The following NEK10 variants were observed in gnomAD, a reference collection of about 807,000 sequenced individuals.
NEK10 encodes the protein NIMA related kinase 10.
In NEK10, 122 loss-of-function variants were observed where a neutral mutation model predicts 159.8. The ratio of observed to expected loss-of-function variants is 0.76; its 90% confidence interval spans 0.66 to 0.89. The LOEUF is 0.89. Ranked by LOEUF, NEK10 falls within the 40% of genes least tolerant of loss-of-function variation. The probability of loss-of-function intolerance (pLI) is 0.00; values close to 1 mark genes in which losing one functional copy is unlikely to be tolerated. For synonymous variants in NEK10, 466 were observed against 457.1 expected, an observed-to-expected ratio of 1.02 and a Z score of -0.25; for missense variants, 1,342 against 1,323.1, an observed-to-expected ratio of 1.01 and a Z score of -0.22.
At chr3:27,316,802 AAAG>A (rs1269180466) in intron 6 of NEK10, among the ~76,000 whole-genome samples, 4 of 152,026 alleles carry the variant, frequency 2.6e-5, no homozygotes, top group African/African-American at 9.7e-5. Flanking sequence ...AAAAAAAAGA[AAAG>A]AGAGAGAGAC....
At position 27,111,324 on chromosome 3, in the gene NEK10, T is replaced by C. The variant is rs1939496934; in HGVS notation, c.3300-4A>G. The C allele has an allele frequency of 6.3e-7, 1 of 1,585,186 alleles. No individual in the cohort carries two copies. The highest frequency in any genetic ancestry group is 1.4e-5 in the African/African-American group (1 of 73,404). ...CCCCCATGGATAGGAATGATACCTA[T>C]AAGATTCAGAAGTGGAAAGAATTCT... is the stretch of plus-strand genomic sequence containing the variant. On this transcript the variant is annotated splice_polypyrimidine_tract_variant and splice_region_variant and intron_variant, in intron 35 of 35. Coordinates refer to ENST00000691995, the MANE Select transcript of NEK10 (RefSeq NM_001394966.1).
chr3:27,227,126 G>T (rs1290837478), intron 23 of NEK10, among the ~76,000 whole-genome samples: 1 of 152,032 alleles, frequency 6.6e-6, no homozygotes, highest in Non-Finnish European at 1.5e-5. Context: ...TCTTTTTCAT[G>T]GATTATTTTT....
chr3:27,193,046 C>T (rs1949248588), intron 25 of NEK10, among the ~76,000 whole-genome samples: 1 of 152,196 alleles, frequency 6.6e-6, no homozygotes, highest in Admixed American at 6.5e-5. Context: ...ATTATAGTAC[C>T]TACCTCATTA....
intron 19 of NEK10, 51 bp downstream of exon 19, chr3:27,290,566 C>A: frequency 2.9e-6 from 4 of 1,362,036 alleles, no homozygotes; most frequent in East Asian, 2.3e-5. Context: ...TACTTTCTTG[C>A]AATGACATGT....
intron 1 of NEK10, among the ~76,000 whole-genome samples, chr3:27,364,523 C>A (rs192610313): frequency 6.6e-6 from 1 of 151,986 alleles, no homozygotes; most frequent in Admixed American, 6.6e-5. Flanking sequence ...CCACAGCACC[C>A]GGCCATGTAT....
At chr3:27,187,757 T>A (rs1948752725) in intron 26 of NEK10, among the ~76,000 whole-genome samples, 1 of 121,064 alleles carries the variant, frequency 8.3e-6, no homozygotes, top group Non-Finnish European at 1.6e-5. Flanking sequence ...TGAGACTCCA[T>A]CTCAAAAAAA....
rs778769094 is a variant in NEK10 at position 27,191,996 on chromosome 3, G to A, written c.2505+33C>T. ...ACAACTTCAGACAGCCCATTAGAGT[G>A]CATCATGAACCGATTGAAATATTTG... is the stretch of plus-strand genomic sequence containing the variant. On this transcript the variant is annotated intron_variant, in intron 26 of 35. Coordinates refer to ENST00000691995, the MANE Select transcript of NEK10 (RefSeq NM_001394966.1). The A allele has an allele frequency of 8.9e-6, 14 of 1,576,412 alleles. No individual in the cohort carries two copies. In the East Asian group the frequency reaches 2.9e-4, roughly 33 times the overall value.
intron 28 of NEK10, among the ~76,000 whole-genome samples, chr3:27,173,133 T>C (rs1947171420): frequency 6.6e-6 from 1 of 152,242 alleles, no homozygotes; most frequent in Non-Finnish European, 1.5e-5. Context: ...TGTTATTTAT[T>C]TGTCAGGTTT....
intron 20 of NEK10, among the ~76,000 whole-genome samples, chr3:27,285,532 A>C (rs1047047956): frequency 1.6e-4 from 24 of 147,234 alleles, no homozygotes; most frequent in Middle Eastern, 3.5e-3. Context: ...AAAAAAAAAA[A>C]CAAACAAACA....
At chr3:27,266,593 C>A (rs1029285922) in intron 22 of NEK10, among the ~76,000 whole-genome samples, 2 of 152,212 alleles carry the variant, frequency 1.3e-5, no homozygotes, top group African/African-American at 4.8e-5. Flanking sequence ...CAGTAAGTGG[C>A]ACCATCATTG....
chr3:27,187,289 G>A (rs1187463854), intron 26 of NEK10, among the ~76,000 whole-genome samples: 1 of 152,096 alleles, frequency 6.6e-6, no homozygotes, highest in African/African-American at 2.4e-5. Flanking sequence ...TTCGGAAGAG[G>A]ACACGGAGAA....
At chr3:27,111,713 T>C (rs1007865322) in intron 35 of NEK10, among the ~76,000 whole-genome samples, 5 of 152,184 alleles carry the variant, frequency 3.3e-5, no homozygotes, top group African/African-American at 1.2e-4. Context: ...TCTCAACACA[T>C]TTTATTATTA....
intron 25 of NEK10, 75 bp downstream of exon 25, chr3:27,201,435 A>G (rs1575215226): frequency 1.6e-6 from 2 of 1,270,818 alleles, no homozygotes; most frequent in East Asian, 2.3e-5. Flanking sequence ...CCTTTTATCC[A>G]TAAATAGTGA....
intron 1 of NEK10, among the ~76,000 whole-genome samples, chr3:27,368,439 C>G (rs1248339567): frequency 6.6e-6 from 1 of 151,748 alleles, no homozygotes; most frequent in African/African-American, 2.4e-5. Context: ...TTTAACCAAC[C>G]GATGGTGGAA....
chr3:27,352,003 C>A (rs1203826758), intron 3 of NEK10, among the ~76,000 whole-genome samples: 1 of 151,994 alleles, frequency 6.6e-6, no homozygotes, highest in East Asian at 1.9e-4. Context: ...AAAATCACTC[C>A]TTGCCCCTCT....
At position 27,119,799 on chromosome 3, in the gene NEK10, A is replaced by T; in HGVS notation, c.3151T>A (p.Ser1051Thr). The change falls in exon 33 of 36, where the codon TCA becomes ACA. Residue 1051 changes from serine (S) to threonine (T), a missense_variant. By Grantham distance (58) the Ser-to-Thr change is moderately conservative. Transcript: ENST00000691995. ...GGGGACAGGCTGTTTCCACCGGATGAACGATGTAATAAATGGTAATCTGCT... is the reference window on the plus strand; with the variant it reads ...GGGGACAGGCTGTTTCCACCGGATGTACGATGTAATAAATGGTAATCTGCT... ...FTADYHLLHR[S>T]SGGNSLSPND... 1.2e-6 allele frequency: 2 copies of T among 1,614,014 alleles called. No individual in the cohort carries two copies. The highest frequency in any genetic ancestry group is 1.7e-6 in the Non-Finnish European group (2 of 1,179,908).
chr3:27,226,199 T>C (rs964306751), intron 23 of NEK10, among the ~76,000 whole-genome samples: 3 of 110,678 alleles, frequency 2.7e-5, no homozygotes, highest in South Asian at 4.9e-4. Context: ...GCCCGGCTAT[T>C]TTTTTTTTTT....
intron 23 of NEK10, among the ~76,000 whole-genome samples, chr3:27,242,695 A>C (rs1246137176): frequency 3.9e-5 from 6 of 152,250 alleles, no homozygotes; most frequent in African/African-American, 1.4e-4. Flanking sequence ...TGAAGAAAGT[A>C]CACTTTGTTA....
chr3:27,188,243 T>A (rs1372952350), intron 26 of NEK10, among the ~76,000 whole-genome samples: 2 of 152,186 alleles, frequency 1.3e-5, no homozygotes, highest in Non-Finnish European at 2.9e-5. Context: ...ATTTCCCTCA[T>A]CTCATTTATT....
Sources: allele counts gnomAD v4.1 joint callset (sites outside exome capture counted in the v4.1 genomes callset), GRCh38; gene constraint gnomAD v4.1.1; transcripts MANE v1.5; gene names NCBI Gene and HGNC (gene_info 2026-07-23, HGNC 2026-07-21).